CACNB4: variants seen among roughly 807,000 people sequenced by gnomAD.
CACNB4 encodes the protein voltage-dependent L-type calcium channel subunit beta-4.
CACNB4 carries 32 observed loss-of-function variants against 71.2 expected under a neutral mutation model. The observed-to-expected ratio is 0.45, with a 90% CI of 0.34 to 0.60. The LOEUF (loss-of-function observed/expected upper bound fraction) is 0.60. CACNB4 is among the 20% of genes least tolerant of loss of function. The probability of loss-of-function intolerance (pLI) is 0.01; values close to 1 mark genes in which losing one functional copy is unlikely to be tolerated. For synonymous variants in CACNB4, 231 were observed against 236.9 expected, an observed-to-expected ratio of 0.97 and a Z score of 0.23; for missense variants, 464 against 647.9, an observed-to-expected ratio of 0.72 and a Z score of 3.08.
chr2:152,056,098 C>T (rs1171991827), intron 2 of CACNB4, among the ~76,000 whole-genome samples: 1 of 152,158 alleles, frequency 6.6e-6, no homozygotes, highest in Non-Finnish European at 1.5e-5. Flanking sequence ...CACGGTGGCT[C>T]ACCCCTGTAA....
intron 2 of CACNB4, among the ~76,000 whole-genome samples, chr2:151,910,342 A>G (rs2099855882): frequency 6.6e-6 from 1 of 152,054 alleles, no homozygotes; most frequent in Non-Finnish European, 1.5e-5. Flanking sequence ...CTCTCATGAT[A>G]GTTTCTTTTG....
intron 2 of CACNB4, among the ~76,000 whole-genome samples, chr2:152,086,609 A>G (rs959474923): frequency 6.6e-5 from 10 of 152,282 alleles, no homozygotes; most frequent in African/African-American, 1.7e-4. Flanking sequence ...CAGAGTTACT[A>G]TGAACATCTA....
chr2:151,928,851 G>C (rs2099860921), intron 2 of CACNB4, among the ~76,000 whole-genome samples: 1 of 151,516 alleles, frequency 6.6e-6, no homozygotes, highest in Non-Finnish European at 1.5e-5. Flanking sequence ...GGCAGAGGTT[G>C]CAATGAGCTG....
chr2:151,860,557 C>T (rs12693154), intron 10 of CACNB4, 154 bp downstream of exon 10: 58,636 of 655,602 alleles, frequency 0.089, 2,954 homozygotes, highest in African/African-American at 0.14. Flanking sequence ...CAAGACTCTG[C>T]TGCCTTCTTG....
At chr2:152,069,349 C>CA (rs1373953669) in intron 2 of CACNB4, among the ~76,000 whole-genome samples, 4 of 152,098 alleles carry the variant, frequency 2.6e-5, no homozygotes, top group Admixed American at 2.0e-4. Flanking sequence ...GTTTGGAGGG[C>CA]AGGGGAGGAG....
At chr2:151,946,410 C>T (rs2099865633) in intron 2 of CACNB4, among the ~76,000 whole-genome samples, 1 of 151,934 alleles carries the variant, frequency 6.6e-6, no homozygotes, top group Non-Finnish European at 1.5e-5. Flanking sequence ...TCCCAGGACA[C>T]AGGACAGTCC....
chr2:152,054,353 A>G (rs905510804), intron 2 of CACNB4, among the ~76,000 whole-genome samples: 1 of 140,336 alleles, frequency 7.1e-6, no homozygotes, highest in African/African-American at 2.7e-5. Flanking sequence ...GCGACAAAGC[A>G]AAACTCCGTC....
chr2:151,839,421 T>G, intron 13 of CACNB4, 42 bp from the exon 14 acceptor site: 1 of 1,485,814 alleles, frequency 6.7e-7, no homozygotes, highest in Non-Finnish European at 9.3e-7. Context: ...AATGTCAGCT[T>G]CATTCATCTA....
intron 2 of CACNB4, among the ~76,000 whole-genome samples, chr2:152,014,085 G>T (rs1219716904): frequency 2.0e-5 from 3 of 152,232 alleles, no homozygotes; most frequent in African/African-American, 7.2e-5. Context: ...GCTCATGCCT[G>T]CAATCCCAGC....
Position 151,837,921 on chromosome 2 carries a change from T to C in CACNB4, c.*1198A>G, listed in dbSNP as rs1313147517. 1 of 152,214 alleles carries C rather than the reference T, an allele frequency of 6.6e-6. No individual in the cohort carries two copies. Among genetic ancestry groups the C allele is most frequent in the Non-Finnish European group, 1.5e-5 (1 of 68,018 alleles). 9.4% of individuals were successfully genotyped at this position (152,214 alleles called of 1,614,324 possible). A position where few individuals can be genotyped will look rare whatever the true frequency, so the allele number is the denominator to read the frequency against. On this transcript the variant is annotated 3_prime_UTR_variant, in exon 14 of 14. Transcript: ENST00000539935. The stretch of plus-strand genomic sequence containing the variant: ...CTTTTAAAATCATTTGTTTCAACTT[T>C]TTTCAATTAGTCATTTTGTAAAAAC...
chr2:151,876,358 A>G, intron 5 of CACNB4, 68 bp downstream of exon 5: 5 of 1,378,322 alleles, frequency 3.6e-6, no homozygotes, highest in Non-Finnish European at 5.0e-6. Flanking sequence ...CTTTGAAAGT[A>G]TACACCCTTG....
chr2:151,956,791 T>C (rs1335015642), intron 2 of CACNB4, among the ~76,000 whole-genome samples: 1 of 152,222 alleles, frequency 6.6e-6, no homozygotes, highest in African/African-American at 2.4e-5. Context: ...TACCACCAAT[T>C]ATTTTTACAA....
At chr2:151,958,821 T>C (rs2151689283) in intron 2 of CACNB4, among the ~76,000 whole-genome samples, 1 of 152,260 alleles carries the variant, frequency 6.6e-6, no homozygotes, top group African/African-American at 2.4e-5. Flanking sequence ...CACTTTCCAG[T>C]TTAAAAATCT....
rs370263335 is a variant in CACNB4 at position 151,839,133 on chromosome 2, G to T, written c.1549C>A (p.Arg517=). The change falls in exon 14 of 14, where the codon CGA becomes AGA. Residue 517 remains arginine, a synonymous_variant. Coordinates refer to ENST00000539935, the MANE Select transcript of CACNB4 (RefSeq NM_000726.5). ...TTTCATTAGACTCAAAGCCTATGTC[G>T]GGAGTCATGGCTATATCCCCCAGGT... ...GSPGGYSHDS[R]HRL 2.5e-6 allele frequency: 4 copies of T among 1,610,616 alleles called. No homozygotes were observed. Among genetic ancestry groups the T allele is most frequent in the Non-Finnish European group, 3.4e-6 (4 of 1,177,474 alleles).
chr2:152,020,417 G>C (rs1392569196), intron 2 of CACNB4, among the ~76,000 whole-genome samples: 1 of 152,200 alleles, frequency 6.6e-6, no homozygotes, highest in Admixed American at 6.5e-5. Context: ...GAGCATTTCA[G>C]TATAGGGTGA....
chr2:151,876,239 T>C (rs182297876), intron 5 of CACNB4, among the ~76,000 whole-genome samples, 187 bp downstream of exon 5: 152 of 152,244 alleles, frequency 1.0e-3, no homozygotes, highest in African/African-American at 3.4e-3. Context: ...ATGGAATTCA[T>C]ATGGTCTCCA....
At chr2:151,948,723 C>T (rs74535921) in intron 2 of CACNB4, among the ~76,000 whole-genome samples, 13,075 of 152,032 alleles carry the variant, frequency 0.086, 1,549 homozygotes, top group East Asian at 0.58. Context: ...CTGCCAAGTG[C>T]CCTGTACCCT....
At chr2:151,941,307 C>T (rs1006357327) in intron 2 of CACNB4, among the ~76,000 whole-genome samples, 32 of 123,306 alleles carry the variant, frequency 2.6e-4, no homozygotes, top group Non-Finnish European at 3.7e-4. Flanking sequence ...TTTTAGCTTG[C>T]GTCTCGCTCT....
At chr2:152,040,213 A>C (rs1224863913) in intron 2 of CACNB4, among the ~76,000 whole-genome samples, 1 of 152,200 alleles carries the variant, frequency 6.6e-6, no homozygotes, top group Non-Finnish European at 1.5e-5. Context: ...ACATCTGCTG[A>C]ATCTGAAGGC....
Sources: allele counts gnomAD v4.1 joint callset (sites outside exome capture counted in the v4.1 genomes callset), GRCh38; gene constraint gnomAD v4.1.1; transcripts MANE v1.5; gene names NCBI Gene and HGNC (gene_info 2026-07-23, HGNC 2026-07-21).